NECAB1: variants seen among roughly 807,000 people sequenced by gnomAD.
The protein encoded by NECAB1 is N-terminal EF-hand calcium-binding protein 1.
In NECAB1, 29 loss-of-function variants were observed where a neutral mutation model predicts 57.5. That is an observed-to-expected ratio of 0.50 (90% CI 0.38 to 0.69). The LOEUF (loss-of-function observed/expected upper bound fraction) is 0.69. NECAB1 is among the 30% of genes least tolerant of loss of function. The probability of loss-of-function intolerance (pLI) is 0.00; values close to 1 mark genes in which losing one functional copy is unlikely to be tolerated. For synonymous variants in NECAB1, 142 were observed against 147.7 expected (o/e 0.96, Z 0.28); for missense variants, 372 against 413.8 (o/e 0.90, Z 0.88).
At chr8:90,895,938 T>C (rs1457709149) in intron 5 of NECAB1, among the ~76,000 whole-genome samples, 1 of 152,260 alleles carries the variant, frequency 6.6e-6, no homozygotes, top group Admixed American at 6.5e-5. Flanking sequence ...AACGAGCTGA[T>C]GTCAGTAGGA....
chr8:90,852,596 T>G (rs1812705846), intron 3 of NECAB1, among the ~76,000 whole-genome samples: 1 of 152,176 alleles, frequency 6.6e-6, no homozygotes. Context: ...CCCTCCATCC[T>G]CTGCCTGTAA....
chr8:90,924,905 TAGA>T (rs1396417494), intron 6 of NECAB1, among the ~76,000 whole-genome samples: 2 of 151,962 alleles, frequency 1.3e-5, no homozygotes, highest in Non-Finnish European at 2.9e-5. Context: ...ACTGATAATT[TAGA>T]AGGTGTTTAC....
At chr8:90,933,231 C>T (rs1248826572) in intron 8 of NECAB1, among the ~76,000 whole-genome samples, 1 of 152,098 alleles carries the variant, frequency 6.6e-6, no homozygotes. Flanking sequence ...TACTGGGTAT[C>T]TACCCAGAGG....
In NECAB1 at chr8:90,943,734, C is replaced by A. The variant is rs555760928; in HGVS notation, c.860+2836C>A. 9.2e-5 allele frequency among the ~76,000 whole-genome samples: 14 copies of A among 152,244 alleles called. 1 individual carries two copies. The South Asian group carries it at 2.9e-3, about 32-fold the overall frequency. The stretch of plus-strand genomic sequence containing the variant: ...TAAAACAGATATTATTAAGGACTAA[C>A]AAGATTAGGCATTTTGCACCTATTT... On this transcript the variant is annotated intron_variant, in intron 10 of 12. Coordinates refer to ENST00000417640, the MANE Select transcript of NECAB1 (RefSeq NM_022351.5).
intron 5 of NECAB1, among the ~76,000 whole-genome samples, chr8:90,908,134 A>T (rs1809739333): frequency 6.6e-6 from 1 of 152,214 alleles, no homozygotes; most frequent in Admixed American, 6.5e-5. Flanking sequence ...TGGTTAAAAT[A>T]GAACTATCCA....
At chr8:90,803,471 G>A (rs1811794241) in intron 2 of NECAB1, among the ~76,000 whole-genome samples, 1 of 152,130 alleles carries the variant, frequency 6.6e-6, no homozygotes, top group Non-Finnish European at 1.5e-5. Context: ...ACCTTTGTAT[G>A]TATTTCTCTT....
chr8:90,942,868 C>T (rs561807186), intron 10 of NECAB1, among the ~76,000 whole-genome samples: 47 of 152,114 alleles, frequency 3.1e-4, no homozygotes, highest in African/African-American at 9.9e-4. Context: ...GATGACAGAA[C>T]GAGACTCTGT....
intron 4 of NECAB1, chr8:90,872,390 T>C (rs1180552255): frequency 1.7e-5 from 7 of 419,078 alleles, no homozygotes; most frequent in African/African-American, 1.4e-4. Flanking sequence ...GTTGTTACAA[T>C]CAGTACATTA....
chr8:90,804,934 A>G (rs901209975), intron 2 of NECAB1, among the ~76,000 whole-genome samples: 3 of 152,232 alleles, frequency 2.0e-5, no homozygotes, highest in African/African-American at 7.2e-5. Flanking sequence ...AGTGCCTGGA[A>G]TGTAGTAACA....
At chr8:90,818,440 A>G (rs1262753118) in intron 2 of NECAB1, among the ~76,000 whole-genome samples, 3 of 151,982 alleles carry the variant, frequency 2.0e-5, no homozygotes, top group Non-Finnish European at 4.4e-5. Flanking sequence ...CTCACAATTA[A>G]TTTGTTCAGT....
intron 5 of NECAB1, among the ~76,000 whole-genome samples, chr8:90,904,353 T>C (rs113806995): frequency 0.022 from 3,358 of 151,796 alleles, 140 homozygotes; most frequent in African/African-American, 0.077. Flanking sequence ...TATGTTAATA[T>C]ATTTATATAA....
chr8:90,928,817 G>A (rs1810337830), intron 8 of NECAB1, among the ~76,000 whole-genome samples: 1 of 152,168 alleles, frequency 6.6e-6, no homozygotes, highest in African/African-American at 2.4e-5. Flanking sequence ...AAGCAAGCAA[G>A]TTAGAATGTG....
At chr8:90,851,307 A>G (rs1260719951) in intron 3 of NECAB1, among the ~76,000 whole-genome samples, 1 of 152,166 alleles carries the variant, frequency 6.6e-6, no homozygotes, top group African/African-American at 2.4e-5. Context: ...CTAGCAAATT[A>G]TCAAACCTGA....
At chr8:90,874,335 C>T (rs1808675954) in intron 4 of NECAB1, among the ~76,000 whole-genome samples, 1 of 152,064 alleles carries the variant, frequency 6.6e-6, no homozygotes, top group Non-Finnish European at 1.5e-5. Flanking sequence ...CTTAATTTGT[C>T]AGTTACTAAG....
At chr8:90,949,250 G>T (rs1476449004) in intron 10 of NECAB1, among the ~76,000 whole-genome samples, 1 of 149,450 alleles carries the variant, frequency 6.7e-6, no homozygotes, top group East Asian at 2.0e-4. Context: ...AGAGAAAGAG[G>T]GAGAGAGCCA....
intron 10 of NECAB1, among the ~76,000 whole-genome samples, chr8:90,948,376 A>T (rs1810854895): frequency 6.6e-6 from 1 of 152,196 alleles, no homozygotes; most frequent in Non-Finnish European, 1.5e-5. Flanking sequence ...TCATACCTTA[A>T]TGAACCAAAC....
intron 3 of NECAB1, among the ~76,000 whole-genome samples, chr8:90,841,995 T>C (rs921552461): frequency 2.0e-5 from 3 of 152,094 alleles, no homozygotes; most frequent in Non-Finnish European, 4.4e-5. Context: ...TGAGAACACA[T>C]GGACACATGG....
intron 5 of NECAB1, among the ~76,000 whole-genome samples, chr8:90,912,610 C>T (rs184391652): frequency 9.2e-5 from 14 of 152,104 alleles, no homozygotes; most frequent in Non-Finnish European, 1.9e-4. Flanking sequence ...GTTTTGCCAT[C>T]TAAGGTTTGC....
intron 3 of NECAB1, among the ~76,000 whole-genome samples, chr8:90,833,715 A>G (rs1812326362): frequency 6.6e-6 from 1 of 152,148 alleles, no homozygotes; most frequent in East Asian, 1.9e-4. Context: ...AATGCAGTAA[A>G]ATTGTAACCC....
Sources: gnomAD v4.1 joint callset for allele counts (sites outside exome capture counted in the v4.1 genomes callset) on GRCh38, gnomAD v4.1.1 for gene constraint, MANE v1.5 for transcripts, NCBI Gene and HGNC (gene_info 2026-07-23, HGNC 2026-07-21) for gene names.